Variants in MARCO observed in about 807,000 individuals in gnomAD.
The protein encoded by MARCO is macrophage receptor with collagenous structure.
A neutral mutation model predicts 70.0 loss-of-function variants in MARCO; 72 were observed. The ratio of observed to expected loss-of-function variants is 1.03; its 90% CI spans 0.85 to 1.25. The LOEUF (loss-of-function observed/expected upper bound fraction) is 1.25. MARCO is among the 50% of genes most tolerant of loss of function. The pLI is 0.00. For missense variants in MARCO, 696 were observed against 659.3 expected (o/e 1.06, Z -0.61); for synonymous variants, 273 against 243.1 (o/e 1.12, Z -1.14).
At chr2:118,980,800 C>G (rs1262677556) in intron 8 of MARCO, among the ~76,000 whole-genome samples, 3 of 152,084 alleles carry the variant, frequency 2.0e-5, no homozygotes, top group Non-Finnish European at 4.4e-5. Context: ...AGAGCCCTAC[C>G]CCAGTGAGGA....
At chr2:118,979,216 G>T (rs933138706) in intron 8 of MARCO, among the ~76,000 whole-genome samples, 3 of 152,146 alleles carry the variant, frequency 2.0e-5, no homozygotes, top group African/African-American at 7.2e-5. Context: ...AAATGGTCTT[G>T]CCCAGGGTGG....
At chr2:118,952,391 C>A (rs929256606) in intron 1 of MARCO, among the ~76,000 whole-genome samples, 3 of 152,154 alleles carry the variant, frequency 2.0e-5, no homozygotes, top group Non-Finnish European at 2.9e-5. Context: ...TGTTGGCGTG[C>A]AGGTATAAAT....
At chr2:118,982,011 CTAAAGAGAGGTGT>C in intron 10 of MARCO, 132 bp from the exon 11 acceptor site, 1 of 609,548 alleles carries the variant, frequency 1.6e-6, no homozygotes, top group Non-Finnish European at 2.9e-6. Context: ...CTCATGGCTT[CTAAAGAGAGGTGT>C]TAAAGCTGCC....
At chr2:118,945,387 G>A (rs899749294) in intron 1 of MARCO, among the ~76,000 whole-genome samples, 5 of 149,662 alleles carry the variant, frequency 3.3e-5, no homozygotes, top group Admixed American at 1.3e-4. Flanking sequence ...AATGTGATCT[G>A]TCGGAACCTC....
intron 8 of MARCO, among the ~76,000 whole-genome samples, chr2:118,979,692 G>A (rs1047867644): frequency 3.9e-5 from 6 of 152,144 alleles, no homozygotes; most frequent in Non-Finnish European, 7.3e-5. Context: ...GCAGCAGTTT[G>A]AGTTCTTCAA....
intron 1 of MARCO, among the ~76,000 whole-genome samples, chr2:118,963,464 C>T (rs545844853): frequency 9.3e-4 from 141 of 151,644 alleles, no homozygotes; most frequent in African/African-American, 3.2e-3. Context: ...TTCTGTATGA[C>T]CTTGGTTTTT....
At chr2:118,950,172 AGT>A (rs1679693010) in intron 1 of MARCO, among the ~76,000 whole-genome samples, 1 of 152,158 alleles carries the variant, frequency 6.6e-6, no homozygotes, top group African/African-American at 2.4e-5. Flanking sequence ...CCTTTATATG[AGT>A]GTGTCATTAA....
chr2:118,986,667 AGG>A (rs1680504967), intron 12 of MARCO, among the ~76,000 whole-genome samples: 2 of 55,228 alleles, frequency 3.6e-5, no homozygotes, highest in Admixed American at 1.7e-4. Context: ...GAAGGAAGGA[AGG>A]AAGGAAAGAA....
intron 8 of MARCO, among the ~76,000 whole-genome samples, chr2:118,980,319 T>C (rs1680365252): frequency 6.6e-6 from 1 of 152,200 alleles, no homozygotes; most frequent in Non-Finnish European, 1.5e-5. Context: ...TTCCTTAGGA[T>C]TGCTTTGTCT....
At chr2:118,986,019 T>A (rs1680477053) in intron 12 of MARCO, among the ~76,000 whole-genome samples, 2 of 152,226 alleles carry the variant, frequency 1.3e-5, no homozygotes, top group Non-Finnish European at 2.9e-5. Context: ...GAGCCCTATG[T>A]CATGAATATA....
intron 12 of MARCO, among the ~76,000 whole-genome samples, chr2:118,986,672 G>GGAAGGAAGGAAGGAAA (rs1680505947): frequency 1.2e-4 from 6 of 48,692 alleles, no homozygotes; most frequent in Admixed American, 4.5e-4. Context: ...AAGGAAGGAA[G>GGAAGGAAGGAAGGAAA]GAAAGAAAGA....
intron 8 of MARCO, among the ~76,000 whole-genome samples, chr2:118,978,282 G>A (rs1373698922): frequency 6.6e-6 from 1 of 152,184 alleles, no homozygotes; most frequent in Middle Eastern, 3.2e-3. Context: ...GATTCAAGGA[G>A]GGAGACCCCA....
chr2:118,971,219 G>A (rs1321862158), intron 3 of MARCO, among the ~76,000 whole-genome samples: 5 of 152,136 alleles, frequency 3.3e-5, no homozygotes, highest in Non-Finnish European at 5.9e-5. Flanking sequence ...TCCTCAGGCT[G>A]GTTTGAAGCA....
At chr2:118,981,024 C>G (rs1045476764) in intron 8 of MARCO, among the ~76,000 whole-genome samples, 6 of 152,160 alleles carry the variant, frequency 3.9e-5, no homozygotes. Context: ...TTGCTATTCT[C>G]AGCATTTGGG....
At chr2:118,978,853 G>GTAATAA (rs1680336892) in intron 8 of MARCO, among the ~76,000 whole-genome samples, 2 of 152,124 alleles carry the variant, frequency 1.3e-5, no homozygotes, top group Non-Finnish European at 2.9e-5. Flanking sequence ...AATAGTATTA[G>GTAATAA]TAATAATAAT....
chr2:118,946,690 A>G (rs919462078), intron 1 of MARCO, among the ~76,000 whole-genome samples: 1 of 152,216 alleles, frequency 6.6e-6, no homozygotes, highest in Non-Finnish European at 1.5e-5. Context: ...AATGTCCAAA[A>G]GTGTAATTGC....
At chr2:118,976,137 C>T (rs774274387) in intron 6 of MARCO, among the ~76,000 whole-genome samples, 1 of 152,172 alleles carries the variant, frequency 6.6e-6, no homozygotes, top group Non-Finnish European at 1.5e-5. Flanking sequence ...CTGGAGCCTC[C>T]CCTTCTCTTT....
chr2:118,989,034 C>T (rs1156321194), intron 12 of MARCO, among the ~76,000 whole-genome samples: 7 of 152,234 alleles, frequency 4.6e-5, no homozygotes. Flanking sequence ...CTCAAGGTCA[C>T]AAAGTTAGTA....
intron 1 of MARCO, among the ~76,000 whole-genome samples, chr2:118,947,382 T>C (rs1204831942): frequency 2.0e-5 from 3 of 152,162 alleles, no homozygotes; most frequent in Admixed American, 6.5e-5. Context: ...GTGATCATAG[T>C]GCATTGCAGC....
Sources: allele counts gnomAD v4.1 joint callset (sites outside exome capture counted in the v4.1 genomes callset), GRCh38; gene constraint gnomAD v4.1.1; transcripts MANE v1.5; gene names NCBI Gene and HGNC (gene_info 2026-07-23, HGNC 2026-07-21).